Variants in CCNY observed in about 807,000 individuals in gnomAD.
The protein encoded by CCNY is cyclin Y.
CCNY carries 19 observed loss-of-function variants against 42.8 expected under a neutral mutation model. The observed-to-expected ratio is 0.44, with a 90% CI of 0.31 to 0.65. The LOEUF (loss-of-function observed/expected upper bound fraction) is 0.65, where lower values mean the gene tolerates loss of function less well. CCNY is among the 30% of genes least tolerant of loss of function. The probability of loss-of-function intolerance (pLI) is 0.07; values close to 1 mark genes in which losing one functional copy is unlikely to be tolerated. For missense variants in CCNY, 370 were observed against 437.3 expected, an observed-to-expected ratio of 0.85 and a Z score of 1.37; for synonymous variants, 165 against 162.7, an observed-to-expected ratio of 1.01 and a Z score of -0.11.
intron 1 of CCNY, among the ~76,000 whole-genome samples, chr10:35,441,884 A>T (rs1476284921): frequency 6.6e-6 from 1 of 152,274 alleles, no homozygotes; most frequent in Non-Finnish European, 1.5e-5. Context: ...TAATTGTAAA[A>T]TAAAAATGTG....
intron 1 of CCNY, among the ~76,000 whole-genome samples, chr10:35,412,400 C>T (rs1837925930): frequency 6.6e-6 from 1 of 152,110 alleles, no homozygotes; most frequent in South Asian, 2.1e-4. Context: ...GGAGTATAAT[C>T]AAATGCATTG....
At chr10:35,318,671 T>G (rs193027835) in intron 3 of CCNY, among the ~76,000 whole-genome samples, 359 of 152,224 alleles carry the variant, frequency 2.4e-3, no homozygotes, top group Non-Finnish European at 4.2e-3. Context: ...CTTTTTTTTG[T>G]TTCTATGGAA....
At chr10:35,498,967 TGTA>T (rs1417674495) in intron 2 of CCNY, among the ~76,000 whole-genome samples, 1 of 152,234 alleles carries the variant, frequency 6.6e-6, no homozygotes, top group Non-Finnish European at 1.5e-5. Context: ...TCAGGTGTTC[TGTA>T]ATAGTCTTAG....
At chr10:35,347,452 C>T in intron 1 of CCNY, 1 of 982,564 alleles carries the variant, frequency 1.0e-6, no homozygotes, top group Non-Finnish European at 1.2e-6. Flanking sequence ...AGGAAATACT[C>T]TGCATGGGAG....
At chr10:35,485,451 C>T (rs183902300) in intron 2 of CCNY, among the ~76,000 whole-genome samples, 19 of 152,306 alleles carry the variant, frequency 1.2e-4, no homozygotes, top group Non-Finnish European at 2.2e-4. Flanking sequence ...TTGGGCTGGG[C>T]GCGGTGGCTC....
intron 3 of CCNY, among the ~76,000 whole-genome samples, chr10:35,516,041 A>G (rs911457428): frequency 3.3e-5 from 5 of 152,270 alleles, no homozygotes; most frequent in Non-Finnish European, 7.3e-5. Flanking sequence ...CAGATTAACC[A>G]GGAGATTCTA....
intron 1 of CCNY, among the ~76,000 whole-genome samples, chr10:35,382,890 C>A (rs1234672989): frequency 6.6e-6 from 1 of 152,004 alleles, no homozygotes; most frequent in East Asian, 1.9e-4. Flanking sequence ...AGGTAAAAAA[C>A]AAACAAACAA....
chr10:35,426,225 A>ACATG (rs1326749743), intron 1 of CCNY, among the ~76,000 whole-genome samples: 1 of 150,694 alleles, frequency 6.6e-6, no homozygotes, highest in African/African-American at 2.5e-5. Context: ...TCACAAGCAT[A>ACATG]CATGCCCATT....
intron 3 of CCNY, among the ~76,000 whole-genome samples, chr10:35,265,845 C>A (rs188482296): frequency 6.6e-6 from 1 of 152,132 alleles, no homozygotes; most frequent in Non-Finnish European, 1.5e-5. Flanking sequence ...AGCCCACCAG[C>A]GTGTCACTGG....
At chr10:35,369,139 G>A (rs897032780) in intron 1 of CCNY, among the ~76,000 whole-genome samples, 2 of 152,298 alleles carry the variant, frequency 1.3e-5, no homozygotes, top group East Asian at 1.9e-4. Context: ...TATTCAGGCC[G>A]AAATGACCTT....
At chr10:35,556,560 C>T (rs1362614575) in intron 8 of CCNY, among the ~76,000 whole-genome samples, 2 of 152,142 alleles carry the variant, frequency 1.3e-5, no homozygotes, top group African/African-American at 4.8e-5. Flanking sequence ...GCTGATCAAA[C>T]AATTGCGTAT....
At chr10:35,491,389 G>A (rs186284100) in intron 2 of CCNY, among the ~76,000 whole-genome samples, 1 of 152,272 alleles carries the variant, frequency 6.6e-6, no homozygotes, top group African/African-American at 2.4e-5. Context: ...GATGTAACAG[G>A]TACTTTGGGA....
chr10:35,519,574 T>C (rs1264076869), intron 4 of CCNY, among the ~76,000 whole-genome samples: 1 of 148,500 alleles, frequency 6.7e-6, no homozygotes, highest in Non-Finnish European at 1.5e-5. Flanking sequence ...CCCCCACCAA[T>C]GTCCCCCTGC....
At chr10:35,394,448 T>A (rs1837479739) in intron 1 of CCNY, among the ~76,000 whole-genome samples, 1 of 152,230 alleles carries the variant, frequency 6.6e-6, no homozygotes, top group Non-Finnish European at 1.5e-5. Context: ...TTCATTTGAT[T>A]GCAGACTTGA....
chr10:35,304,844 G>A (rs1418115992), intron 3 of CCNY, among the ~76,000 whole-genome samples: 1 of 152,198 alleles, frequency 6.6e-6, no homozygotes, highest in African/African-American at 2.4e-5. Context: ...AACCACTAGG[G>A]TGTTAGGGGG....
intron 1 of CCNY, among the ~76,000 whole-genome samples, chr10:35,459,169 G>C (rs988020279): frequency 6.6e-6 from 1 of 152,224 alleles, no homozygotes; most frequent in African/African-American, 2.4e-5. Context: ...GTTCAGATGG[G>C]ATTTCTTAGT....
At chr10:35,311,155 C>A (rs186302903) in intron 3 of CCNY, among the ~76,000 whole-genome samples, 59 of 151,542 alleles carry the variant, frequency 3.9e-4, no homozygotes, top group African/African-American at 1.3e-3. Flanking sequence ...TCTACAAAAG[C>A]AAAATAATTA....
rs541809699 is a variant in CCNY at position 35,510,182 on chromosome 10, CCTT to C, written c.265-6337_265-6335del. On this transcript the variant is annotated intron_variant, in intron 3 of 9. Coordinates refer to ENST00000374704, the MANE Select transcript of CCNY (RefSeq NM_145012.6). ...TCACTTCTTTTCACAAACTTTTACT[CCTT>C]CTTTTCCTCTAATAATAATACTTCA... Among the ~76,000 whole-genome samples, 216 of 152,200 alleles carry C rather than the reference CCTT, an allele frequency of 1.4e-3. 1 individual carries two copies. The highest frequency in any genetic ancestry group is 0.01 in the Middle Eastern group (3 of 294).
chr10:35,260,967 T>G (rs2135031528), intron 3 of CCNY, among the ~76,000 whole-genome samples: 1 of 152,120 alleles, frequency 6.6e-6, no homozygotes, highest in African/African-American at 2.4e-5. Flanking sequence ...AACAATGAGC[T>G]GGGCATGGTG....
Sources: allele counts gnomAD v4.1 joint callset (sites outside exome capture counted in the v4.1 genomes callset), GRCh38; gene constraint gnomAD v4.1.1; transcripts MANE v1.5; gene names NCBI Gene and HGNC (gene_info 2026-07-23, HGNC 2026-07-21).